The following SLC30A8 variants were observed in gnomAD, a reference collection of about 807,000 sequenced individuals.
The protein encoded by SLC30A8 is proton-coupled zinc antiporter SLC30A8.
Under a neutral mutation model 36.9 loss-of-function variants are expected in SLC30A8, and 27 were observed. The ratio of observed to expected loss-of-function variants is 0.73; its 90% CI spans 0.54 to 1.01. The LOEUF (loss-of-function observed/expected upper bound fraction) is 1.01. Ranked by LOEUF, SLC30A8 falls within the 50% of genes least tolerant of loss-of-function variation. SLC30A8 has a pLI of 0.00. For missense variants in SLC30A8, 439 were observed against 452.0 expected (o/e 0.97, Z 0.26); for synonymous variants, 164 against 172.4 (o/e 0.95, Z 0.38).
intron 3 of SLC30A8, among the ~76,000 whole-genome samples, chr8:117,153,557 T>C (rs1210766171): frequency 6.6e-6 from 1 of 152,136 alleles, no homozygotes; most frequent in African/African-American, 2.4e-5. Flanking sequence ...CATTCAGCCA[T>C]TGGTCCAATT....
At chr8:116,985,287 CACACAT>C (rs1304275335) in intron 1 of SLC30A8, among the ~76,000 whole-genome samples, 5 of 115,208 alleles carry the variant, frequency 4.3e-5, no homozygotes, top group African/African-American at 1.1e-4. Context: ...TGCATGCTCA[CACACAT>C]ACACACACAC....
chr8:117,061,326 A>G (rs2130785751), intron 2 of SLC30A8, among the ~76,000 whole-genome samples: 1 of 152,364 alleles, frequency 6.6e-6, no homozygotes, highest in South Asian at 2.1e-4. Flanking sequence ...ACATACGTGC[A>G]TGCATACACC....
At chr8:117,141,752 A>G (rs540268433) in intron 1 of SLC30A8, among the ~76,000 whole-genome samples, 3 of 152,304 alleles carry the variant, frequency 2.0e-5, no homozygotes, top group South Asian at 2.1e-4. Context: ...GTCCACTTCA[A>G]TGAGTTCTAC....
intron 1 of SLC30A8, among the ~76,000 whole-genome samples, chr8:117,138,060 C>CA (rs60065374): frequency 0.046 from 2,244 of 49,206 alleles, 34 homozygotes; most frequent in African/African-American, 0.075. Flanking sequence ...TTCATTGTAG[C>CA]AAAAAAAAAA....
chr8:117,109,581 C>T (rs1047150337), intron 2 of SLC30A8, among the ~76,000 whole-genome samples: 1 of 147,916 alleles, frequency 6.8e-6, no homozygotes, highest in Non-Finnish European at 1.5e-5. Flanking sequence ...TTATAAATTC[C>T]TAAGAGCCCC....
chr8:116,988,163 C>T (rs997787050), intron 1 of SLC30A8, among the ~76,000 whole-genome samples: 12 of 152,178 alleles, frequency 7.9e-5, no homozygotes, highest in Admixed American at 7.2e-4. Context: ...CTGATAAACT[C>T]ACCCATGCAG....
intron 1 of SLC30A8, among the ~76,000 whole-genome samples, chr8:117,026,577 A>G (rs1474748051): frequency 6.6e-6 from 1 of 152,170 alleles, no homozygotes; most frequent in Non-Finnish European, 1.5e-5. Flanking sequence ...TTTATTTTGC[A>G]GTGATTCACT....
intron 1 of SLC30A8, among the ~76,000 whole-genome samples, chr8:116,987,075 T>TTTTTTTATAGAAGAAA (rs752028311): frequency 2.2e-3 from 339 of 152,100 alleles, no homozygotes; most frequent in Non-Finnish European, 2.4e-3. Context: ...GGAAGAAAAA[T>TTTTTTTATAGAAGAAA]CAGTTTTCAG....
At chr8:116,958,269 C>G (rs1007428071) in intron 1 of SLC30A8, among the ~76,000 whole-genome samples, 1 of 151,792 alleles carries the variant, frequency 6.6e-6, no homozygotes, top group Admixed American at 6.6e-5. Flanking sequence ...TTCTAGTGCT[C>G]TGCATTGTTT....
intron 1 of SLC30A8, among the ~76,000 whole-genome samples, chr8:117,035,305 A>G (rs1363203077): frequency 1.3e-5 from 2 of 152,268 alleles, no homozygotes; most frequent in Non-Finnish European, 1.5e-5. Context: ...CAGGTATTGT[A>G]TAAATGCTCC....
intron 1 of SLC30A8, among the ~76,000 whole-genome samples, chr8:116,997,312 A>T (rs549301463): frequency 6.6e-6 from 1 of 152,288 alleles, no homozygotes; most frequent in East Asian, 1.9e-4. Flanking sequence ...TGTAATCTAT[A>T]ATTCATTGCA....
chr8:117,029,436 G>A (rs1030579834), intron 1 of SLC30A8, among the ~76,000 whole-genome samples: 1 of 152,172 alleles, frequency 6.6e-6, no homozygotes, highest in African/African-American at 2.4e-5. Context: ...TTCAGAGCCA[G>A]ACCTTCAAGG....
At chr8:117,025,717 C>A (rs1460207086) in intron 1 of SLC30A8, among the ~76,000 whole-genome samples, 1 of 152,164 alleles carries the variant, frequency 6.6e-6, no homozygotes, top group Non-Finnish European at 1.5e-5. Context: ...GGAACCACAG[C>A]TCTTGAAATC....
intron 7 of SLC30A8, among the ~76,000 whole-genome samples, chr8:117,171,973 T>G (rs932562751): frequency 6.6e-6 from 1 of 152,118 alleles, no homozygotes; most frequent in African/African-American, 2.4e-5. Flanking sequence ...CAGCATTCAC[T>G]ATGCCAATAT....
intron 1 of SLC30A8, among the ~76,000 whole-genome samples, chr8:116,961,463 A>G (rs928740487): frequency 5.3e-5 from 8 of 152,032 alleles, no homozygotes; most frequent in African/African-American, 1.9e-4. Flanking sequence ...ATTTATGGCA[A>G]CCTACAAGTA....
intron 2 of SLC30A8, among the ~76,000 whole-genome samples, chr8:117,150,160 A>G (rs1317079312): frequency 1.3e-5 from 2 of 152,172 alleles, no homozygotes. Flanking sequence ...TTAAGTAACA[A>G]CTCAATGGGG....
At chr8:117,101,476 A>G (rs1819718832) in intron 2 of SLC30A8, among the ~76,000 whole-genome samples, 1 of 152,196 alleles carries the variant, frequency 6.6e-6, no homozygotes, top group Non-Finnish European at 1.5e-5. Context: ...AGACACTGGA[A>G]AAATTCAATT....
At chr8:117,038,589 T>A (rs527991857) in intron 1 of SLC30A8, among the ~76,000 whole-genome samples, 17 of 152,356 alleles carry the variant, frequency 1.1e-4, no homozygotes, top group African/African-American at 3.8e-4. Flanking sequence ...AATAAATATT[T>A]TCATCCGTAG....
intron 2 of SLC30A8, among the ~76,000 whole-genome samples, chr8:117,063,192 T>G (rs1452288358): frequency 6.6e-6 from 1 of 152,214 alleles, no homozygotes; most frequent in Admixed American, 6.5e-5. Flanking sequence ...TCCAAAACAC[T>G]TCCTTTTCTC....
Sources: allele counts gnomAD v4.1 joint callset (sites outside exome capture counted in the v4.1 genomes callset), GRCh38; gene constraint gnomAD v4.1.1; transcripts MANE v1.5; gene names NCBI Gene and HGNC (gene_info 2026-07-23, HGNC 2026-07-21).